Variants in ADAMTS3 observed in about 807,000 individuals in gnomAD.
ADAMTS3 encodes the protein ADAM metallopeptidase with thrombospondin type 1 motif 3, also known as A disintegrin and metalloproteinase with thrombospondin motifs 3.
In ADAMTS3, 73 loss-of-function variants were observed where a neutral mutation model predicts 129.0. The ratio of observed to expected loss-of-function variants is 0.57; its 90% confidence interval spans 0.47 to 0.69. ADAMTS3 has a LOEUF of 0.69. ADAMTS3 is among the 30% of genes least tolerant of loss of function. The probability of loss-of-function intolerance (pLI) is 0.00; values close to 1 mark genes in which losing one functional copy is unlikely to be tolerated. For missense variants in ADAMTS3, 1,457 were observed against 1,514.5 expected (o/e 0.96, Z 0.63); for synonymous variants, 477 against 510.8 (o/e 0.93, Z 0.89).
At chr4:72,325,092 A>G (rs1287912137) in intron 5 of ADAMTS3, among the ~76,000 whole-genome samples, 1 of 152,124 alleles carries the variant, frequency 6.6e-6, no homozygotes, top group Non-Finnish European at 1.5e-5. Context: ...GGGTTTTTTA[A>G]GGATATTAGA....
intron 4 of ADAMTS3, among the ~76,000 whole-genome samples, chr4:72,346,021 T>TA (rs1250099858): frequency 6.6e-6 from 1 of 152,124 alleles, no homozygotes; most frequent in Admixed American, 6.6e-5. Flanking sequence ...AATCCATCAA[T>TA]AGGTCATCAA....
At chr4:72,331,320 T>C (rs1198108020) in intron 5 of ADAMTS3, among the ~76,000 whole-genome samples, 1 of 152,064 alleles carries the variant, frequency 6.6e-6, no homozygotes, top group East Asian at 1.9e-4. Flanking sequence ...TTGGGGAAAT[T>C]AAGATAGCTT....
intron 21 of ADAMTS3, among the ~76,000 whole-genome samples, chr4:72,287,997 C>G (rs534169128): frequency 6.6e-6 from 1 of 152,264 alleles, no homozygotes; most frequent in African/African-American, 2.4e-5. Context: ...TCCCAAGTAG[C>G]TGAAATTACA....
At chr4:72,292,308 T>A (rs1718694405) in intron 19 of ADAMTS3, among the ~76,000 whole-genome samples, 1 of 152,204 alleles carries the variant, frequency 6.6e-6, no homozygotes, top group Non-Finnish European at 1.5e-5. Flanking sequence ...ATCTGGAGAG[T>A]TCACTCATGT....
At chr4:72,297,178 A>G (rs2109779870) in intron 18 of ADAMTS3, among the ~76,000 whole-genome samples, 1 of 152,248 alleles carries the variant, frequency 6.6e-6, no homozygotes, top group African/African-American at 2.4e-5. Context: ...ATATTAGTTG[A>G]CTAGTTAAAA....
rs181748251 is a variant in ADAMTS3 at position 72,444,129 on chromosome 4, C to G, written c.505-29158G>C. Reference sequence around the variant, plus strand: ...TGTGTGTGTCTGTGCACAAATGCAGCCAGTGCTTCTAAGCACTTCCCTTCT... The same window carrying G: ...TGTGTGTGTCTGTGCACAAATGCAGGCAGTGCTTCTAAGCACTTCCCTTCT... On this transcript the variant is annotated intron_variant, in intron 3 of 21. Transcript: ENST00000286657. Among the ~76,000 whole-genome samples, 4 of 151,790 alleles carry G rather than the reference C, an allele frequency of 2.6e-5. No homozygotes were observed. The East Asian group carries it at 7.9e-4, about 30-fold the overall frequency.
intron 3 of ADAMTS3, among the ~76,000 whole-genome samples, chr4:72,448,663 T>C (rs1012229819): frequency 5.9e-5 from 9 of 151,700 alleles, no homozygotes; most frequent in African/African-American, 2.2e-4. Context: ...AAAAATATAA[T>C]TTCAACCAGC....
chr4:72,325,063 A>T (rs961208651), intron 5 of ADAMTS3, among the ~76,000 whole-genome samples: 2 of 152,112 alleles, frequency 1.3e-5, no homozygotes, highest in African/African-American at 4.8e-5. Flanking sequence ...AAAAAATTTT[A>T]TAAGTGAGAG....
At chr4:72,453,536 A>G (rs1339056371) in intron 3 of ADAMTS3, among the ~76,000 whole-genome samples, 1 of 151,778 alleles carries the variant, frequency 6.6e-6, no homozygotes, top group Non-Finnish European at 1.5e-5. Context: ...CATAGGTAAC[A>G]TGGTTAGTAT....
At position 72,294,653 on chromosome 4, in the gene ADAMTS3, T is replaced by A. The variant is rs12509874; in HGVS notation, c.2723+1001A>T. On this transcript the variant is annotated intron_variant, in intron 19 of 21. Coordinates refer to ENST00000286657, the MANE Select transcript of ADAMTS3 (RefSeq NM_014243.3). ...ATGAGCACCAAGTCAATTTCATCAC[T>A]GGGATTTCAGGACACTAGGAACAAA... Among the ~76,000 whole-genome samples, 981 of 152,156 alleles carry A rather than the reference T, an allele frequency of 6.4e-3. 3 individuals carry two copies. Among genetic ancestry groups the A allele is most frequent in the Non-Finnish European group, 8.5e-3 (576 of 67,944 alleles).
intron 3 of ADAMTS3, among the ~76,000 whole-genome samples, chr4:72,510,458 T>C (rs1262686185): frequency 6.6e-6 from 1 of 152,028 alleles, no homozygotes; most frequent in East Asian, 1.9e-4. Flanking sequence ...TAAAAATTAG[T>C]AGCATTTCTA....
chr4:72,323,319 A>G lies in ADAMTS3; in HGVS notation c.862-222T>C, dbSNP rs568581239. On this transcript the variant is annotated intron_variant, in intron 5 of 21. Coordinates refer to ENST00000286657, the MANE Select transcript of ADAMTS3 (RefSeq NM_014243.3). Reference sequence around the variant, plus strand: ...GTAAACTCCACAGTAATATGAACGTACAGGACATGCTCAAAAGGGCTTTGT... The same window carrying G: ...GTAAACTCCACAGTAATATGAACGTGCAGGACATGCTCAAAAGGGCTTTGT... 9.8e-6 allele frequency: 5 copies of G among 511,638 alleles called. No individual in the cohort carries two copies. The South Asian group carries it at 1.2e-4, about 12-fold the overall frequency. The allele number at this position is 511,638 out of a possible 1,614,324, so 31.7% of individuals were successfully genotyped here. A position where few individuals can be genotyped will look rare whatever the true frequency, so the allele number is the denominator to read the frequency against.
intron 3 of ADAMTS3, among the ~76,000 whole-genome samples, chr4:72,438,165 G>A (rs919195074): frequency 2.6e-5 from 4 of 151,046 alleles, no homozygotes; most frequent in Admixed American, 1.3e-4. Context: ...AGGAAGATAA[G>A]GAAGGATTTC....
At position 72,282,329 on chromosome 4, in the gene ADAMTS3, C is replaced by T. The variant is rs1159608810; in HGVS notation, c.*807G>A. 1 of 152,124 alleles carries T rather than the reference C, an allele frequency of 6.6e-6. No homozygotes were observed. Among genetic ancestry groups the T allele is most frequent in the East Asian group, 1.9e-4 (1 of 5,196 alleles). The allele number at this position is 152,124 out of a possible 1,614,324, so 9.4% of individuals were successfully genotyped here. A position where few individuals can be genotyped will look rare whatever the true frequency, so the allele number is the denominator to read the frequency against. The stretch of plus-strand genomic sequence containing the variant: ...ATTTACTATTCGTTGATCCCTGTGA[C>T]CACAAGTGTACTAAGACACCAATCC... On this transcript the variant is annotated 3_prime_UTR_variant, in exon 22 of 22. Transcript: ENST00000286657.
chr4:72,459,079 T>C (rs984354652), intron 3 of ADAMTS3, among the ~76,000 whole-genome samples: 2 of 151,764 alleles, frequency 1.3e-5, no homozygotes, highest in African/African-American at 4.8e-5. Flanking sequence ...CCATTAATTA[T>C]ACACAACAAA....
At chr4:72,541,906 C>T (rs962054362) in intron 3 of ADAMTS3, among the ~76,000 whole-genome samples, 1 of 152,048 alleles carries the variant, frequency 6.6e-6, no homozygotes, top group African/African-American at 2.4e-5. Flanking sequence ...AATATACACC[C>T]TAAATGTTAT....
At chr4:72,323,443 G>A (rs571143852) in intron 5 of ADAMTS3, among the ~76,000 whole-genome samples, 1 of 152,300 alleles carries the variant, frequency 6.6e-6, no homozygotes, top group African/African-American at 2.4e-5. Context: ...CAAATCATCT[G>A]CTAGCCTGTG....
chr4:72,318,080 C>A (rs1391197524), intron 10 of ADAMTS3, among the ~76,000 whole-genome samples: 1 of 151,714 alleles, frequency 6.6e-6, no homozygotes, highest in Non-Finnish European at 1.5e-5. Flanking sequence ...ACTGTCCTGA[C>A]CCCCATGGTA....
intron 4 of ADAMTS3, among the ~76,000 whole-genome samples, chr4:72,358,560 T>TAG: frequency 6.6e-6 from 1 of 152,020 alleles, no homozygotes; most frequent in Non-Finnish European, 1.5e-5. Context: ...TGAATTACCT[T>TAG]GGACGATAGA....
Sources: gnomAD v4.1 joint callset for allele counts (sites outside exome capture counted in the v4.1 genomes callset) on GRCh38, gnomAD v4.1.1 for gene constraint, MANE v1.5 for transcripts, NCBI Gene and HGNC (gene_info 2026-07-23, HGNC 2026-07-21) for gene names.